Variants in GNAL observed in about 807,000 individuals in gnomAD.
GNAL encodes the protein guanine nucleotide-binding protein G(olf) subunit alpha.
In GNAL, 18 loss-of-function variants were observed where a neutral mutation model predicts 55.1. The observed-to-expected ratio is 0.33, with a 90% CI of 0.23 to 0.48. GNAL has a LOEUF of 0.48. Ranked by LOEUF, GNAL falls within the 20% of genes least tolerant of loss-of-function variation. The pLI, the probability that GNAL is intolerant of heterozygous loss-of-function variation, is 0.99. For missense variants in GNAL, 412 were observed against 614.1 expected (o/e 0.67, Z 3.48); for synonymous variants, 253 against 237.0 (o/e 1.07, Z -0.62).
intron 4 of GNAL, among the ~76,000 whole-genome samples, chr18:11,785,829 GC>G: frequency 6.6e-6 from 1 of 152,294 alleles, no homozygotes; most frequent in Admixed American, 6.5e-5. Context: ...CCTCTGCTCA[GC>G]CCCGTGTTGA....
intron 4 of GNAL, among the ~76,000 whole-genome samples, chr18:11,759,862 T>C (rs2033183000): frequency 6.6e-6 from 1 of 152,196 alleles, no homozygotes; most frequent in Admixed American, 6.5e-5. Context: ...TATCTCCTGC[T>C]AGAAGGCTTT....
intron 4 of GNAL, among the ~76,000 whole-genome samples, chr18:11,808,960 G>A (rs749014997): frequency 6.6e-6 from 1 of 152,222 alleles, no homozygotes; most frequent in Non-Finnish European, 1.5e-5. Flanking sequence ...CAAATTTGTA[G>A]AGACAGAAAG....
intron 4 of GNAL, among the ~76,000 whole-genome samples, chr18:11,786,138 C>T (rs2034049916): frequency 6.6e-6 from 1 of 152,118 alleles, no homozygotes; most frequent in African/African-American, 2.4e-5. Context: ...ATTCAGTGCC[C>T]TGGAATTCCG....
chr18:11,730,784 TAAAA>T (rs1396057654), intron 1 of GNAL, among the ~76,000 whole-genome samples: 1 of 151,652 alleles, frequency 6.6e-6, no homozygotes, highest in Non-Finnish European at 1.5e-5. Flanking sequence ...AAAAATAAAA[TAAAA>T]TAAAGACTTG....
intron 5 of GNAL, among the ~76,000 whole-genome samples, chr18:11,859,558 C>G (rs1251660057): frequency 6.6e-6 from 1 of 152,158 alleles, no homozygotes; most frequent in Non-Finnish European, 1.5e-5. Context: ...GGTCCCTTCC[C>G]TTTGTTCCTT....
intron 4 of GNAL, among the ~76,000 whole-genome samples, chr18:11,786,365 TGA>T (rs2034056156): frequency 6.6e-6 from 1 of 150,986 alleles, no homozygotes; most frequent in Non-Finnish European, 1.5e-5. Context: ...CAGATCTGAA[TGA>T]GAGATTTTAG....
rs924144075 is a variant in GNAL at position 11,839,364 on chromosome 18, C to T, written c.722+14349C>T. 8.6e-5 allele frequency among the ~76,000 whole-genome samples: 13 copies of T among 150,558 alleles called. No homozygotes were observed. The East Asian group carries it at 2.3e-3, about 27-fold the overall frequency. ...TTTGAGAGCAGCCTGGGCATCTTGGCGAGACCTCATCTCTACTAAAAGTAA... is the reference window on the plus strand; with the variant it reads ...TTTGAGAGCAGCCTGGGCATCTTGGTGAGACCTCATCTCTACTAAAAGTAA... On this transcript the variant is annotated intron_variant, in intron 5 of 11. Coordinates refer to ENST00000334049, the MANE Select transcript of GNAL (RefSeq NM_182978.4).
rs200306454 is a variant in GNAL at position 11,699,190 on chromosome 18, T to TTTTA, written c.376+9268_376+9271dup. 6.3e-3 allele frequency among the ~76,000 whole-genome samples: 953 copies of TTTTA among 152,052 alleles called. 5 individuals are homozygous for TTTTA. Among genetic ancestry groups the TTTTA allele is most frequent in the African/African-American group, 0.017 (725 of 41,496 alleles). ...TCTACATTTATCTATTTATTTTTAA[T>TTTTA]TTTATTTATTTATTTATTTACTTAG... On this transcript the variant is annotated intron_variant, in intron 1 of 11. Coordinates refer to ENST00000334049, the MANE Select transcript of GNAL (RefSeq NM_182978.4).
intron 1 of GNAL, among the ~76,000 whole-genome samples, chr18:11,722,925 C>T (rs897824387): frequency 2.7e-5 from 4 of 150,780 alleles, no homozygotes; most frequent in African/African-American, 9.8e-5. Context: ...GCAGGAGAAT[C>T]ACTTGAACCT....
intron 4 of GNAL, among the ~76,000 whole-genome samples, chr18:11,759,076 G>A (rs947442123): frequency 2.0e-5 from 3 of 152,110 alleles, no homozygotes; most frequent in African/African-American, 7.2e-5. Context: ...GGGAGGCTGA[G>A]GCAGGAGAAT....
intron 4 of GNAL, among the ~76,000 whole-genome samples, chr18:11,796,565 C>T (rs953506372): frequency 4.9e-5 from 6 of 122,872 alleles, no homozygotes; most frequent in African/African-American, 7.1e-5. Flanking sequence ...CAGAGCGAGA[C>T]TCCTTCTCAC....
intron 4 of GNAL, among the ~76,000 whole-genome samples, chr18:11,772,278 A>G (rs2033658943): frequency 6.6e-6 from 1 of 152,196 alleles, no homozygotes; most frequent in South Asian, 2.1e-4. Context: ...GAATGCTTTA[A>G]ATTGTCCTAG....
At chr18:11,710,931 A>G (rs981425384) in intron 1 of GNAL, among the ~76,000 whole-genome samples, 1 of 152,086 alleles carries the variant, frequency 6.6e-6, no homozygotes, top group Non-Finnish European at 1.5e-5. Context: ...GCTGGAGTGC[A>G]GTGGTGTGAT....
chr18:11,872,965 C>T (rs1226447446), intron 10 of GNAL, among the ~76,000 whole-genome samples: 2 of 152,206 alleles, frequency 1.3e-5, no homozygotes, highest in East Asian at 3.9e-4. Context: ...GGATTTCCAG[C>T]AGGGCCAGCA....
intron 4 of GNAL, among the ~76,000 whole-genome samples, chr18:11,794,874 G>A (rs1024810956): frequency 1.3e-5 from 2 of 151,026 alleles, no homozygotes; most frequent in African/African-American, 4.9e-5. Context: ...ACAGAGTCTC[G>A]TTCTGTCACC....
At chr18:11,736,323 T>C (rs550926481) in intron 1 of GNAL, among the ~76,000 whole-genome samples, 1 of 152,110 alleles carries the variant, frequency 6.6e-6, no homozygotes, top group Non-Finnish European at 1.5e-5. Context: ...TGAACCCACG[T>C]GTTAGAGGCT....
chr18:11,858,361 G>T (rs796659570), intron 5 of GNAL, among the ~76,000 whole-genome samples: 9 of 152,294 alleles, frequency 5.9e-5, no homozygotes, highest in African/African-American at 2.2e-4. Flanking sequence ...TTGCACCTCT[G>T]CATCTAATAG....
intron 1 of GNAL, among the ~76,000 whole-genome samples, chr18:11,727,240 C>T (rs776102000): frequency 6.6e-6 from 1 of 152,218 alleles, no homozygotes; most frequent in Non-Finnish European, 1.5e-5. Flanking sequence ...CTCTGCTGCT[C>T]TCCATCTGGG....
chr18:11,800,879 A>T (rs1322728357), intron 4 of GNAL, among the ~76,000 whole-genome samples: 1 of 152,238 alleles, frequency 6.6e-6, no homozygotes, highest in African/African-American at 2.4e-5. Flanking sequence ...TAAATTACTT[A>T]TGAAGTAGAA....
Sources: allele counts gnomAD v4.1 joint callset (sites outside exome capture counted in the v4.1 genomes callset), GRCh38; gene constraint gnomAD v4.1.1; transcripts MANE v1.5; gene names NCBI Gene and HGNC (gene_info 2026-07-23, HGNC 2026-07-21).